KIFAP3: variants seen among roughly 807,000 people sequenced by gnomAD.
KIFAP3 encodes kinesin-associated protein 3.
In KIFAP3, 68 loss-of-function variants were observed where a neutral mutation model predicts 106.5. That is an observed-to-expected ratio of 0.64 (90% confidence interval 0.53 to 0.78). The LOEUF is 0.78. KIFAP3 is among the 30% of genes least tolerant of loss of function. The pLI, the probability that KIFAP3 is intolerant of heterozygous loss-of-function variation, is 0.00. For missense variants in KIFAP3, 780 were observed against 941.8 expected (o/e 0.83, Z 2.25); for synonymous variants, 320 against 311.5 (o/e 1.03, Z -0.29).
rs200182692 is a variant in KIFAP3 at position 169,961,254 on chromosome 1, C to T, written c.1984-19G>A. ...CATATTCCTATTGAAAACAAACAGT[C>T]AACTGTTATTATATAAGCTAACTCA... On this transcript the variant is annotated intron_variant, in intron 17 of 19. Transcript: ENST00000361580. The T allele has an allele frequency of 1.3e-5, 21 of 1,591,290 alleles. No individual in the cohort carries two copies. In the Admixed American group the frequency reaches 2.5e-4, roughly 19 times the overall value.
intron 5 of KIFAP3, among the ~76,000 whole-genome samples, 200 bp downstream of exon 5, chr1:170,038,090 T>G (rs1669779189): frequency 6.6e-6 from 1 of 152,234 alleles, no homozygotes; most frequent in Non-Finnish European, 1.5e-5. Flanking sequence ...AAAGGTATAG[T>G]ACCATTAATG....
chr1:169,963,615 C>G (rs2101869709), intron 17 of KIFAP3, among the ~76,000 whole-genome samples: 1 of 152,218 alleles, frequency 6.6e-6, no homozygotes, highest in African/African-American at 2.4e-5. Flanking sequence ...GCCTCAGCCT[C>G]CAGAATAGCT....
At chr1:170,044,570 C>T (rs1419027908) in intron 3 of KIFAP3, among the ~76,000 whole-genome samples, 1 of 152,166 alleles carries the variant, frequency 6.6e-6, no homozygotes, top group Non-Finnish European at 1.5e-5. Flanking sequence ...ATCTGAAATA[C>T]CCATGCTCTT....
intron 1 of KIFAP3, among the ~76,000 whole-genome samples, chr1:170,059,484 G>C (rs1310379878): frequency 6.6e-6 from 1 of 152,116 alleles, no homozygotes; most frequent in African/African-American, 2.4e-5. Context: ...TCCCTGAACA[G>C]ACCAATAACC....
chr1:170,000,628 T>A (rs1203602179), intron 10 of KIFAP3, among the ~76,000 whole-genome samples: 1 of 152,164 alleles, frequency 6.6e-6, no homozygotes, highest in Non-Finnish European at 1.5e-5. Context: ...TGATACATGT[T>A]TCCATATAAT....
chr1:169,978,029 G>T, intron 16 of KIFAP3, 56 bp downstream of exon 16: 7 of 1,032,234 alleles, frequency 6.8e-6, no homozygotes, highest in Non-Finnish European at 8.8e-6. Context: ...ACTCAAAGAT[G>T]CATCTTTTCT....
chr1:169,970,930 C>G (rs1665891014), intron 17 of KIFAP3, among the ~76,000 whole-genome samples: 1 of 151,928 alleles, frequency 6.6e-6, no homozygotes, highest in African/African-American at 2.4e-5. Context: ...AGAGCTAAGA[C>G]AGTATCTAGA....
At chr1:169,983,190 A>G (rs996751982) in intron 13 of KIFAP3, 80 bp downstream of exon 13, 5 of 787,486 alleles carry the variant, frequency 6.3e-6, no homozygotes, top group Non-Finnish European at 1.0e-5. Context: ...ATTTGACGAG[A>G]CCTCAGTAAG....
chr1:170,047,239 T>A (rs894721336), intron 2 of KIFAP3, among the ~76,000 whole-genome samples: 8 of 152,092 alleles, frequency 5.3e-5, no homozygotes, highest in African/African-American at 1.9e-4. Context: ...AAATGCTAAC[T>A]TTTTTTCAGC....
chr1:170,074,359 G>A, intron 1 of KIFAP3, 77 bp downstream of exon 1: 2 of 1,487,314 alleles, frequency 1.3e-6, no homozygotes, highest in Middle Eastern at 1.8e-4. Flanking sequence ...GTTGCCCAGT[G>A]ACATCTCACA....
intron 2 of KIFAP3, among the ~76,000 whole-genome samples, 175 bp downstream of exon 2, chr1:170,055,130 C>T (rs549812117): frequency 8.9e-4 from 135 of 152,108 alleles, no homozygotes; most frequent in Middle Eastern, 6.8e-3. Flanking sequence ...TCATTTTTTC[C>T]TAGGATTAAT....
intron 1 of KIFAP3, among the ~76,000 whole-genome samples, chr1:170,059,065 C>G (rs1418135466): frequency 6.6e-6 from 1 of 152,060 alleles, no homozygotes; most frequent in Non-Finnish European, 1.5e-5. Flanking sequence ...CAAGAGTAAG[C>G]AGGAAAGATC....
chr1:169,955,973 T>G (rs1664993483), intron 18 of KIFAP3, among the ~76,000 whole-genome samples: 1 of 152,136 alleles, frequency 6.6e-6, no homozygotes, highest in Non-Finnish European at 1.5e-5. Flanking sequence ...TCTAGCCATA[T>G]AAAAACTTGT....
chr1:169,989,830 A>G (rs1377245629), intron 11 of KIFAP3, among the ~76,000 whole-genome samples: 1 of 152,084 alleles, frequency 6.6e-6, no homozygotes, highest in Non-Finnish European at 1.5e-5. Context: ...CACTTTTAGT[A>G]CTGTTTTATT....
rs1459836238 is a variant in KIFAP3, at chr1:169,992,186, G to C, written c.1253C>G (p.Ser418Ter). Residue 418 changes from serine to a stop codon, truncating the protein, a stop_gained, in exon 11 of 20, where the codon TCA becomes TGA. Transcript: ENST00000361580. LOFTEE classifies it high-confidence loss of function. ...TATACAGTCAGTGTATGCAAACATTGATTTAAAGCGGTCATCCATGCTTAT... is the reference window on the plus strand; with the variant it reads ...TATACAGTCAGTGTATGCAAACATTCATTTAAAGCGGTCATCCATGCTTAT... ...YHISMDDRFK[S>*]MFAYTDCIPQ... is the part of the protein sequence containing the mutation. 3.2e-6 allele frequency: 5 copies of C among 1,580,792 alleles called. No individual in the cohort carries two copies. The highest frequency in any genetic ancestry group is 4.3e-6 in the Non-Finnish European group (5 of 1,164,356).
intron 19 of KIFAP3, among the ~76,000 whole-genome samples, chr1:169,937,777 A>T (rs564857732): frequency 6.6e-6 from 1 of 151,816 alleles, no homozygotes; most frequent in Admixed American, 6.6e-5. Flanking sequence ...ATACAGCAGT[A>T]AAAATTCTTA....
chr1:170,068,564 C>A (rs1426876817), intron 1 of KIFAP3: 1 of 150,076 alleles, frequency 6.7e-6, no homozygotes, highest in Admixed American at 6.7e-5. Context: ...ATAAACAGAA[C>A]CTAAGAGACT....
chr1:169,999,333 CT>C (rs1667544630), intron 10 of KIFAP3, among the ~76,000 whole-genome samples: 1 of 152,132 alleles, frequency 6.6e-6, no homozygotes, highest in Non-Finnish European at 1.5e-5. Context: ...TATGATTCCT[CT>C]ACATCCTACA....
chr1:169,993,622 CAGGCAGGTGAT>C (rs1667212093), intron 10 of KIFAP3, among the ~76,000 whole-genome samples: 4 of 5,438 alleles, frequency 7.4e-4, no homozygotes, highest in African/African-American at 2.4e-3. Context: ...TAGCAAGCTT[CAGGCAGGTGAT>C]TTGCTTGTAC....
Sources: gnomAD v4.1 joint callset for allele counts (sites outside exome capture counted in the v4.1 genomes callset) on GRCh38, gnomAD v4.1.1 for gene constraint, MANE v1.5 for transcripts, NCBI Gene and HGNC (gene_info 2026-07-23, HGNC 2026-07-21) for gene names.